The following SLC7A11 variants were observed in gnomAD, a reference collection of about 807,000 sequenced individuals.
The protein encoded by SLC7A11 is solute carrier family 7 member 11.
In SLC7A11, 35 loss-of-function variants were observed where a neutral mutation model predicts 54.5. That is an observed-to-expected ratio of 0.64 (90% CI 0.49 to 0.85). SLC7A11 has a LOEUF of 0.85. Ranked by LOEUF, SLC7A11 falls within the 40% of genes least tolerant of loss-of-function variation. The pLI is 0.00. For synonymous variants in SLC7A11, 230 were observed against 225.2 expected, an observed-to-expected ratio of 1.02 and a Z score of -0.19; for missense variants, 583 against 618.1, an observed-to-expected ratio of 0.94 and a Z score of 0.60.
intron 11 of SLC7A11, among the ~76,000 whole-genome samples, chr4:138,178,933 G>C (rs567123810): frequency 6.6e-6 from 1 of 152,216 alleles, no homozygotes; most frequent in East Asian, 1.9e-4. Context: ...AGGATTCAAA[G>C]AGAGATTAGG....
intron 3 of SLC7A11, among the ~76,000 whole-genome samples, chr4:138,225,500 T>C (rs1427204168): frequency 1.3e-5 from 2 of 151,942 alleles, no homozygotes; most frequent in Admixed American, 6.6e-5. Context: ...CTGTTGTCAA[T>C]GACAAAGTGC....
chr4:138,207,063 A>G (rs1195251130), intron 6 of SLC7A11, among the ~76,000 whole-genome samples: 1 of 151,808 alleles, frequency 6.6e-6, no homozygotes, highest in Non-Finnish European at 1.5e-5. Context: ...AATTGAAGAA[A>G]AGCAGTGTCA....
chr4:138,180,771 A>G lies in SLC7A11; in HGVS notation c.1136T>C (p.Met379Thr). 2 of 1,612,668 alleles carry G rather than the reference A, an allele frequency of 1.2e-6. No homozygotes were observed. Among genetic ancestry groups the G allele is most frequent in the South Asian group, 1.1e-5 (1 of 90,970 alleles). ...ACTGTCGAGGTCTCCAGAGAAGAGC[A>G]TTATCATTGTCAAAGGGTGCTGAGG... ...VIVLHPLTMI[M>T]LFSGDLDSLL... is the part of the protein sequence containing the mutation. Residue 379 changes from methionine to threonine, a missense_variant, in exon 10 of 12, where the codon ATG becomes ACG. Coordinates refer to ENST00000280612, the MANE Select transcript of SLC7A11 (RefSeq NM_014331.4).
chr4:138,223,977 T>C (rs1009733058), intron 3 of SLC7A11, among the ~76,000 whole-genome samples: 1 of 152,166 alleles, frequency 6.6e-6, no homozygotes, highest in African/African-American at 2.4e-5. Flanking sequence ...AGAATGCACA[T>C]TGGGTTCAAA....
In SLC7A11 at chr4:138,219,354, T is replaced by A; in HGVS notation, c.658A>T (p.Asn220Tyr). The change falls in exon 5 of 12, where the codon AAC becomes TAC. Residue 220 changes from asparagine (N) to tyrosine (Y), a missense_variant. Physicochemically the swap from Asn to Tyr is moderately radical, Grantham distance 143 (BLOSUM62 -2). Coordinates refer to ENST00000280612, the MANE Select transcript of SLC7A11 (RefSeq NM_014331.4). The stretch of plus-strand genomic sequence containing the variant: ...CTTCCTGAAAAGGCGTCTTTAAAGT[T>A]CTGCGTTTGACCTGTAATTAGAATA... ...VMQLIKGQTQ[N>Y]FKDAFSGRDS... The A allele has an allele frequency of 6.3e-7, 1 of 1,598,538 alleles. No homozygotes were observed. Among genetic ancestry groups the A allele is most frequent in the South Asian group, 1.1e-5 (1 of 90,606 alleles).
Position 138,219,275 on chromosome 4 carries a change from T to C in SLC7A11, c.737A>G (p.Tyr246Cys), listed in dbSNP as rs1026857493. The C allele has an allele frequency of 6.3e-7, 1 of 1,580,336 alleles. No individual in the cohort carries two copies. Among genetic ancestry groups the C allele is most frequent in the Non-Finnish European group, 8.7e-7 (1 of 1,149,368 alleles). The change falls in exon 5 of 12, where the codon TAT becomes TGT. Residue 246 changes from tyrosine (Y) to cysteine (C), a missense_variant. Coordinates refer to ENST00000280612, the MANE Select transcript of SLC7A11 (RefSeq NM_014331.4). ...PLAFYYGMYA[Y>C]AGWFYLNFVT... Reference sequence around the variant, plus strand: ...GGAGCTATCAACTTACCAGCCAGCATATGCATACATTCCATAATAAAAAGC... The same window carrying C: ...GGAGCTATCAACTTACCAGCCAGCACATGCATACATTCCATAATAAAAAGC...
At chr4:138,175,625 C>G (rs538618512) in intron 11 of SLC7A11, 1 of 152,272 alleles carries the variant, frequency 6.6e-6, no homozygotes, top group South Asian at 2.1e-4. Flanking sequence ...GTGTATCTCA[C>G]CATTCCCTTA....
rs1738250834 is a variant in SLC7A11 at position 138,237,716 on chromosome 4, TA to T, written c.278-1266del. 8.0e-4 allele frequency among the ~76,000 whole-genome samples: 6 copies of T among 7,500 alleles called. 1 individual carries two copies. Among genetic ancestry groups the T allele is most frequent in the African/African-American group, 1.6e-3 (4 of 2,446 alleles). 4.9% of individuals were successfully genotyped at this position (7,500 alleles called of 152,430 possible). On this transcript the variant is annotated intron_variant, in intron 1 of 11. Transcript: ENST00000280612. ...CCTAGCCAGAATATATATATATATA[TA>T]TATATATATATATATATATATTTTT...
intron 9 of SLC7A11, among the ~76,000 whole-genome samples, chr4:138,181,041 T>C (rs532536939): frequency 6.6e-6 from 1 of 151,080 alleles, no homozygotes; most frequent in South Asian, 2.1e-4. Context: ...ATATGAATGT[T>C]GTGTTGTGTT....
intron 3 of SLC7A11, among the ~76,000 whole-genome samples, chr4:138,231,244 A>G (rs992387344): frequency 3.7e-4 from 57 of 152,258 alleles, no homozygotes; most frequent in African/African-American, 1.3e-3. Flanking sequence ...GATGTACACT[A>G]TTTGGGTGAT....
Position 138,219,941 on chromosome 4 carries a change from C to CTT in SLC7A11, c.647-578_647-577dup, listed in dbSNP as rs5862370. On this transcript the variant is annotated intron_variant, in intron 4 of 11. Coordinates refer to ENST00000280612, the MANE Select transcript of SLC7A11 (RefSeq NM_014331.4). ...GTGTCAACCCAAACTGCAAGCCTTT[C>CTT]TTTTTTTATTTTTTTCAAGATGGAG... is the stretch of plus-strand genomic sequence containing the variant. Among the ~76,000 whole-genome samples, 990 of 143,448 alleles carry CTT rather than the reference C, an allele frequency of 6.9e-3. 8 individuals carry two copies. Among genetic ancestry groups the CTT allele is most frequent in the Middle Eastern group, 0.015 (4 of 274 alleles). The allele number at this position is 143,448 out of a possible 152,430, so 94.1% of individuals were successfully genotyped here.
chr4:138,192,072 T>C (rs769812834), intron 6 of SLC7A11, among the ~76,000 whole-genome samples: 8 of 152,198 alleles, frequency 5.3e-5, no homozygotes, highest in Non-Finnish European at 7.3e-5. Flanking sequence ...TACACAACAC[T>C]AAGATAATGC....
At position 138,180,721 on chromosome 4, in the gene SLC7A11, T is replaced by G. The variant is rs1479379166; in HGVS notation, c.1186A>C (p.Arg396=). The part of the protein sequence containing the change: ...DSLLNFLSFA[R]WLFIGLAVAG... ...ACTGCCAGCCCAATAAAAAGCCACCTGGCAAAACTGAGGAAATTCAAAAGA... is the reference window on the plus strand; with the variant it reads ...ACTGCCAGCCCAATAAAAAGCCACCGGGCAAAACTGAGGAAATTCAAAAGA... Residue 396 remains arginine (R), a synonymous_variant, in exon 10 of 12, where the codon AGG becomes CGG. Transcript: ENST00000280612. The G allele has an allele frequency of 6.2e-7, 1 of 1,612,858 alleles. No homozygotes were observed. The highest frequency in any genetic ancestry group is 8.5e-7 in the Non-Finnish European group (1 of 1,179,436).
In SLC7A11 at chr4:138,171,106, A is replaced by T. The variant is rs1451272844; in HGVS notation, c.*850T>A. ...AGGCTTAAAATGCATATGTTTAGAT[A>T]GACTCATCAGGGGTAAGTTATTAGT... On this transcript the variant is annotated 3_prime_UTR_variant, in exon 12 of 12. Transcript: ENST00000280612. 6.6e-6 allele frequency: 1 copy of T among 152,164 alleles called. No individual in the cohort carries two copies. The highest frequency in any genetic ancestry group is 2.4e-5 in the African/African-American group (1 of 41,438). The allele number at this position is 152,164 out of a possible 1,614,324, so 9.4% of individuals were successfully genotyped here.
intron 3 of SLC7A11, 56 bp from the exon 4 acceptor site, chr4:138,223,380 T>C: frequency 6.3e-7 from 1 of 1,589,484 alleles, no homozygotes; most frequent in Non-Finnish European, 8.6e-7. Flanking sequence ...ACAAAGACAT[T>C]TTAGGTCCTT....
chr4:138,229,976 G>T (rs545809856), intron 3 of SLC7A11, among the ~76,000 whole-genome samples: 1 of 152,016 alleles, frequency 6.6e-6, no homozygotes, highest in Admixed American at 6.6e-5. Flanking sequence ...TCATTCAAGG[G>T]ACAAGAAAAT....
At chr4:138,177,177 G>A (rs1302103211) in intron 11 of SLC7A11, 1 of 152,102 alleles carries the variant, frequency 6.6e-6, no homozygotes, top group East Asian at 1.9e-4. Context: ...GCACACTAGA[G>A]ATTCAATATG....
chr4:138,176,050 T>C (rs1250903701), intron 11 of SLC7A11: 2 of 152,238 alleles, frequency 1.3e-5, no homozygotes, highest in East Asian at 3.9e-4. Context: ...CATAGAGTAG[T>C]TGGGAGAAGG....
intron 3 of SLC7A11, among the ~76,000 whole-genome samples, 187 bp from the exon 4 acceptor site, chr4:138,223,511 C>A (rs897019844): frequency 3.3e-5 from 5 of 152,294 alleles, no homozygotes; most frequent in African/African-American, 1.2e-4. Context: ...TCAACAGGTT[C>A]TCCAGCTGGT....
Sources: gnomAD v4.1 joint callset for allele counts (sites outside exome capture counted in the v4.1 genomes callset) on GRCh38, gnomAD v4.1.1 for gene constraint, MANE v1.5 for transcripts, NCBI Gene and HGNC (gene_info 2026-07-23, HGNC 2026-07-21) for gene names.